The following HSBP1L1 variants were observed in gnomAD, a reference collection of about 807,000 sequenced individuals.
HSBP1L1 encodes heat shock factor binding protein 1 like 1, also known as heat shock factor-binding protein 1-like protein 1.
In HSBP1L1, 8 loss-of-function variants were observed where a neutral mutation model predicts 9.7. That is an observed-to-expected ratio of 0.82 (90% CI 0.48 to 1.48). The LOEUF (loss-of-function observed/expected upper bound fraction) is 1.48, where lower values mean the gene tolerates loss of function less well. Among genes scored for constraint, HSBP1L1 ranks in the 40% most tolerant of loss-of-function variants. The pLI is 0.00. For synonymous variants in HSBP1L1, 39 were observed against 34.4 expected (o/e 1.13, Z -0.46); for missense variants, 106 against 95.8 (o/e 1.11, Z -0.44).
intron 3 of HSBP1L1, 65 bp downstream of exon 3, chr18:79,968,248 T>C: frequency 1.1e-6 from 1 of 924,802 alleles, no homozygotes; most frequent in Non-Finnish European, 1.7e-6. Flanking sequence ...TCTTGAAACA[T>C]ACAATCCCAT....
intron 1 of HSBP1L1, among the ~76,000 whole-genome samples, chr18:79,964,988 TG>T (rs1033996014): frequency 4.5e-5 from 5 of 110,210 alleles, no homozygotes; most frequent in Non-Finnish European, 7.0e-5. Context: ...CCTGTGGTCC[TG>T]GGGGGGCCCC....
intron 3 of HSBP1L1, among the ~76,000 whole-genome samples, chr18:79,969,364 AAAG>A (rs2051280735): frequency 2.0e-5 from 1 of 48,968 alleles, no homozygotes; most frequent in Non-Finnish European, 5.1e-5. Context: ...AGAAAGAAAG[AAAG>A]AAAGAAAGAA....
chr18:79,966,546 A>G, intron 1 of HSBP1L1, 66 bp from the exon 2 acceptor site: 5 of 1,103,150 alleles, frequency 4.5e-6, no homozygotes, highest in South Asian at 1.6e-5. Flanking sequence ...TCATCTCAGA[A>G]AAAAAAAAAA....
intron 1 of HSBP1L1, among the ~76,000 whole-genome samples, chr18:79,965,383 T>C (rs1487398986): frequency 6.6e-6 from 1 of 152,120 alleles, no homozygotes; most frequent in Non-Finnish European, 1.5e-5. Context: ...CCTGGCATGG[T>C]TCAGAGGTGG....
intron 3 of HSBP1L1, among the ~76,000 whole-genome samples, chr18:79,969,251 A>G (rs1227122949): frequency 4.8e-4 from 12 of 24,948 alleles, no homozygotes; most frequent in African/African-American, 7.6e-4. Context: ...AGAGGAGAGG[A>G]GAGAGAGAGA....
intron 1 of HSBP1L1, among the ~76,000 whole-genome samples, chr18:79,965,843 A>C (rs959899225): frequency 6.6e-5 from 10 of 152,160 alleles, no homozygotes; most frequent in African/African-American, 2.4e-4. Context: ...TGTTGAAAAG[A>C]CTTTCCTTTC....
At chr18:79,967,910 A>G (rs1568355895) in intron 2 of HSBP1L1, 179 bp from the exon 3 acceptor site, 1 of 510,034 alleles carries the variant, frequency 2.0e-6, no homozygotes, top group Non-Finnish European at 3.4e-6. Flanking sequence ...TAAAGGTTAA[A>G]GAGACACACT....
chr18:79,967,898 T>A, intron 2 of HSBP1L1, 191 bp from the exon 3 acceptor site: 1 of 469,816 alleles, frequency 2.1e-6, no homozygotes, highest in Non-Finnish European at 3.7e-6. Context: ...AAGCTCACAG[T>A]TTAAAGGTTA....
intron 2 of HSBP1L1, chr18:79,967,352 CTTTGT>C (rs1339874684): frequency 3.3e-5 from 5 of 152,268 alleles, no homozygotes; most frequent in Admixed American, 6.5e-5. Flanking sequence ...CTCTCCCAAA[CTTTGT>C]TTTGTTTAGT....
intron 3 of HSBP1L1, among the ~76,000 whole-genome samples, chr18:79,969,194 AGAAAG>A (rs1462760253): frequency 4.7e-5 from 2 of 42,794 alleles, no homozygotes; most frequent in African/African-American, 1.2e-4. Context: ...ATGAAAGAAA[AGAAAG>A]GAAAGAAAGA....
chr18:79,965,730 C>T (rs375406165), intron 1 of HSBP1L1, among the ~76,000 whole-genome samples: 180 of 152,266 alleles, frequency 1.2e-3, no homozygotes, highest in African/African-American at 3.3e-3. Flanking sequence ...GGCCTTGGCT[C>T]TGGGCCAAGG....
chr18:79,964,970 C>T (rs1360874031), intron 1 of HSBP1L1, among the ~76,000 whole-genome samples, 184 bp downstream of exon 1: 1 of 135,518 alleles, frequency 7.4e-6, no homozygotes, highest in Non-Finnish European at 1.5e-5. Flanking sequence ...TCCTGAGTGC[C>T]TGGGAGGCCT....
intron 3 of HSBP1L1, 26 bp downstream of exon 3, chr18:79,968,209 A>C (rs1168672166): frequency 7.3e-7 from 1 of 1,375,668 alleles, no homozygotes. Context: ...AACTATGTCA[A>C]CCGTTTTCGT....
chr18:79,968,073 C>T lies in HSBP1L1; in HGVS notation c.119-16C>T, dbSNP rs1176160827. The T allele has an allele frequency of 6.7e-6, 10 of 1,498,744 alleles. No individual in the cohort carries two copies. Among genetic ancestry groups the T allele is most frequent in the East Asian group, 2.5e-5 (1 of 40,494 alleles). The allele number at this position is 1,498,744 out of a possible 1,614,324, so 92.8% of individuals were successfully genotyped here. On this transcript the variant is annotated splice_polypyrimidine_tract_variant and intron_variant, in intron 2 of 3. Coordinates refer to ENST00000451882, the MANE Select transcript of HSBP1L1 (RefSeq NM_001136180.2). ...CTCTGGACTCCAGCTCTACGCAGAG[C>T]GCCTTAACACTGTACTGGAAGAAAT...
intron 3 of HSBP1L1, among the ~76,000 whole-genome samples, chr18:79,969,748 GC>G (rs2051285258): frequency 1.1e-5 from 1 of 91,994 alleles, no homozygotes; most frequent in Non-Finnish European, 2.9e-5. Context: ...GTAGCCTTCT[GC>G]CCCTTGCTTT....
In HSBP1L1 at chr18:79,969,331, A is replaced by AAAG. The variant is rs1555716339; in HGVS notation, c.214-1107_214-1106insGAA. Among the ~76,000 whole-genome samples the AAAG allele has an allele frequency of 1.0e-3, 73 of 72,010 alleles. 1 individual carries two copies. Among genetic ancestry groups the AAAG allele is most frequent in the East Asian group, 5.7e-3 (11 of 1,930 alleles). 47.2% of individuals were successfully genotyped at this position (72,010 alleles called of 152,430 possible). A position where few individuals can be genotyped will look rare whatever the true frequency, so the allele number is the denominator to read the frequency against. On this transcript the variant is annotated intron_variant, in intron 3 of 3. Transcript: ENST00000451882. ...GAGAAAGGAAAGAAAGAAAGAAAGA[A>AAAG]AAAGAAAGAAAGAAAGAAAGAAAGA...
At chr18:79,965,995 G>T (rs544973604) in intron 1 of HSBP1L1, among the ~76,000 whole-genome samples, 1 of 152,142 alleles carries the variant, frequency 6.6e-6, no homozygotes, top group East Asian at 1.9e-4. Flanking sequence ...GCAGTGGCGC[G>T]ATCTCGGCTC....
intron 1 of HSBP1L1, 36 bp from the exon 2 acceptor site, chr18:79,966,572 GTAAA>G: frequency 7.0e-7 from 1 of 1,427,126 alleles, no homozygotes; most frequent in Non-Finnish European, 9.6e-7. Context: ...TATGCCAACA[GTAAA>G]TATTTATTCA....
intron 1 of HSBP1L1, among the ~76,000 whole-genome samples, chr18:79,965,345 C>G (rs1020045000): frequency 2.6e-5 from 4 of 152,202 alleles, no homozygotes; most frequent in African/African-American, 9.7e-5. Context: ...CAAACCCTAA[C>G]GTAAATTTCC....
Sources: gnomAD v4.1 joint callset for allele counts (sites outside exome capture counted in the v4.1 genomes callset) on GRCh38, gnomAD v4.1.1 for gene constraint, MANE v1.5 for transcripts, NCBI Gene and HGNC (gene_info 2026-07-23, HGNC 2026-07-21) for gene names.